EVC2: variants seen among roughly 807,000 people sequenced by gnomAD.
The protein encoded by EVC2 is EvC ciliary complex subunit 2, also known as limbin.
Under a neutral mutation model 149.3 loss-of-function variants are expected in EVC2, and 148 were observed. The ratio of observed to expected loss-of-function variants is 0.99; its 90% CI spans 0.87 to 1.14. EVC2 has a LOEUF of 1.14. Among genes scored for constraint, EVC2 ranks in the 50% most tolerant of loss-of-function variants. The probability of loss-of-function intolerance (pLI) is 0.00; values close to 1 mark genes in which losing one functional copy is unlikely to be tolerated. For synonymous variants in EVC2, 776 were observed against 649.9 expected (o/e 1.19, Z -2.95); for missense variants, 1,854 against 1,627.3 (o/e 1.14, Z -2.40).
intron 1 of EVC2, among the ~76,000 whole-genome samples, chr4:5,698,259 C>A (rs1721611418): frequency 6.6e-6 from 1 of 152,134 alleles, no homozygotes; most frequent in African/African-American, 2.4e-5. Context: ...GTTAGCCCTG[C>A]CCTCCATCAA....
In EVC2 at chr4:5,574,764, T is replaced by C; in HGVS notation, c.3281A>G (p.Glu1094Gly). 6.2e-7 allele frequency: 1 copy of C among 1,614,164 alleles called. No homozygotes were observed. Among genetic ancestry groups the C allele is most frequent in the Non-Finnish European group, 8.5e-7 (1 of 1,179,998 alleles). Residue 1094 changes from glutamate to glycine, a missense_variant, in exon 19 of 22, where the codon GAG (glutamate) becomes GGG (glycine). By Grantham distance (98) the Glu-to-Gly change is moderately conservative. Transcript: ENST00000344408. ...TAGCACGACACTGTTCTGTTGTTCC[T>C]CTCTCAAACTGGAGTGAAAATAAAA... ...LLEQHQQCLR[E>G]EQQNSVVLED...
chr4:5,645,322 T>C (rs1245302114), intron 9 of EVC2, among the ~76,000 whole-genome samples: 2 of 151,730 alleles, frequency 1.3e-5, no homozygotes, highest in African/African-American at 4.8e-5. Flanking sequence ...TAAACTTGTG[T>C]CATGGGGGTT....
chr4:5,573,862 G>A (rs965155442), intron 19 of EVC2, among the ~76,000 whole-genome samples: 1 of 152,186 alleles, frequency 6.6e-6, no homozygotes. Context: ...CAAGGCCCAC[G>A]GGTCAGCTCT....
At chr4:5,582,863 C>T (rs1272230853) in intron 17 of EVC2, among the ~76,000 whole-genome samples, 1 of 152,050 alleles carries the variant, frequency 6.6e-6, no homozygotes, top group Non-Finnish European at 1.5e-5. Flanking sequence ...TGTGTGGCAC[C>T]TCCCCCTACT....
In EVC2 at chr4:5,625,896, C is replaced by G. The variant is rs750061407; in HGVS notation, c.1899G>C (p.Leu633=). The G allele has an allele frequency of 5.6e-6, 9 of 1,613,874 alleles. No individual in the cohort carries two copies. Among genetic ancestry groups the G allele is most frequent in the Non-Finnish European group, 6.8e-6 (8 of 1,180,018 alleles). Residue 633 remains leucine, a synonymous_variant, in exon 13 of 22, where the codon CTG becomes CTC. Transcript: ENST00000344408. The surrounding 1 kb of genome is among the most constrained non-coding windows in gnomAD (Gnocchi z 4.0). ...ATAGCATTTCCATTTGGTCTTCATC[C>G]AGGTACCCTGCTCTAGATGGAAAGG... ...LIQKHERAGY[L]DEDQMEMLLE...
At chr4:5,661,483 C>G (rs1312956475) in intron 9 of EVC2, among the ~76,000 whole-genome samples, 2 of 152,140 alleles carry the variant, frequency 1.3e-5, no homozygotes, top group Non-Finnish European at 2.9e-5. Context: ...TGATCAAAAA[C>G]TGAGTGGTAC....
chr4:5,584,479 A>G lies in EVC2; in HGVS notation c.3057+144T>C. ...TTGAGAGAGTGCCAAGTACTCTCCA[A>G]TATGTCACTTCGTTTAATCCTCACC... On this transcript the variant is annotated intron_variant, in intron 17 of 21. Coordinates refer to ENST00000344408, the MANE Select transcript of EVC2 (RefSeq NM_147127.5). 9.7e-6 allele frequency: 8 copies of G among 824,976 alleles called. No homozygotes were observed. The South Asian group carries it at 1.2e-4, about 12-fold the overall frequency. The allele number at this position is 824,976 out of a possible 1,614,324, so 51.1% of individuals were successfully genotyped here. A position where few individuals can be genotyped will look rare whatever the true frequency, so the allele number is the denominator to read the frequency against.
chr4:5,649,471 TAA>T (rs575787574), intron 9 of EVC2, among the ~76,000 whole-genome samples: 1 of 152,146 alleles, frequency 6.6e-6, no homozygotes, highest in South Asian at 2.1e-4. Flanking sequence ...CTACTAATGA[TAA>T]AAAAAGAGAG....
chr4:5,668,734 C>G (rs1014609414), intron 7 of EVC2, among the ~76,000 whole-genome samples: 1 of 152,062 alleles, frequency 6.6e-6, no homozygotes, highest in Non-Finnish European at 1.5e-5. Context: ...TTTTCATCTT[C>G]GAGAAGAGGG....
At chr4:5,681,141 A>T in intron 7 of EVC2, 119 bp downstream of exon 7, 1 of 1,126,422 alleles carries the variant, frequency 8.9e-7, no homozygotes, top group Non-Finnish European at 1.4e-6. Context: ...TCCCAGTCTC[A>T]ACGCATAACT....
chr4:5,703,972 G>T (rs971770776), intron 1 of EVC2, among the ~76,000 whole-genome samples: 4 of 152,140 alleles, frequency 2.6e-5, no homozygotes, highest in African/African-American at 7.2e-5. Context: ...ACCCGTGCAA[G>T]GGCCCTGAGG....
Position 5,689,271 on chromosome 4 carries a change from C to G in EVC2, c.592G>C (p.Ala198Pro). 6.2e-7 allele frequency: 1 copy of G among 1,614,220 alleles called. No homozygotes were observed. The highest frequency in any genetic ancestry group is 8.5e-7 in the Non-Finnish European group (1 of 1,180,038). Reference protein sequence around the residue: ...LVNNTKTTSSANLSELLLLDS... With the variant: ...LVNNTKTTSSPNLSELLLLDS... The stretch of plus-strand genomic sequence containing the variant: ...AGCAAGAGCAGCTCCGAGAGGTTGG[C>G]TGACGAGGTTGTCTTGGTGTTGTTA... Residue 198 changes from alanine (A) to proline (P), a missense_variant, in exon 5 of 22, where the codon GCC becomes CCC. Ala to Pro is a conservative substitution (Grantham distance 27). Transcript: ENST00000344408.
At chr4:5,593,087 C>A (rs948583329) in intron 16 of EVC2, among the ~76,000 whole-genome samples, 1 of 152,086 alleles carries the variant, frequency 6.6e-6, no homozygotes, top group Admixed American at 6.5e-5. Flanking sequence ...GTTTGCTTCC[C>A]ACTTCTGCCA....
At chr4:5,685,217 C>T (rs1474233453) in intron 6 of EVC2, among the ~76,000 whole-genome samples, 153 bp downstream of exon 6, 2 of 152,256 alleles carry the variant, frequency 1.3e-5, no homozygotes, top group African/African-American at 2.4e-5. Flanking sequence ...CATGGCAAGG[C>T]GTGTGAGACT....
intron 1 of EVC2, among the ~76,000 whole-genome samples, chr4:5,698,041 G>A (rs996698078): frequency 2.6e-5 from 4 of 152,066 alleles, no homozygotes; most frequent in African/African-American, 7.2e-5. Flanking sequence ...GTGAGCCACC[G>A]CGTCCGGCCA....
intron 21 of EVC2, among the ~76,000 whole-genome samples, chr4:5,545,495 A>T (rs1260582469): frequency 6.6e-6 from 1 of 152,192 alleles, no homozygotes; most frequent in Non-Finnish European, 1.5e-5. Context: ...ATTATTCATT[A>T]CTCAAAACAC....
chr4:5,706,153 C>G (rs1185218355), intron 1 of EVC2, among the ~76,000 whole-genome samples: 1 of 151,848 alleles, frequency 6.6e-6, no homozygotes, highest in East Asian at 1.9e-4. Flanking sequence ...CTTGACTGAC[C>G]TTCCAGACTA....
chr4:5,621,496 C>T (rs544324524), intron 14 of EVC2, among the ~76,000 whole-genome samples: 3 of 152,314 alleles, frequency 2.0e-5, no homozygotes, highest in African/African-American at 7.2e-5. Context: ...TTGCCCATGT[C>T]TCATTCTACA....
chr4:5,562,583 G>T lies in EVC2; in HGVS notation c.*265C>A. ...GAGGATGGGGTGTGGATTGCAGGGT[G>T]GGGGTCTCCTCCAGGGCCCTGGGGA... On this transcript the variant is annotated 3_prime_UTR_variant, in exon 22 of 22. Transcript: ENST00000344408. The surrounding 1 kb of genome is among the most constrained non-coding windows in gnomAD (Gnocchi z 4.3). The T allele has an allele frequency of 7.4e-7, 1 of 1,359,280 alleles. No homozygotes were observed. Among genetic ancestry groups the T allele is most frequent in the Non-Finnish European group, 9.5e-7 (1 of 1,053,486 alleles). The allele number at this position is 1,359,280 out of a possible 1,614,324, so 84.2% of individuals were successfully genotyped here. A position where few individuals can be genotyped will look rare whatever the true frequency, so the allele number is the denominator to read the frequency against.
Sources: gnomAD v4.1 joint callset for allele counts (sites outside exome capture counted in the v4.1 genomes callset) on GRCh38, gnomAD v4.1.1 for gene constraint, Gnocchi (gnomAD v3.1) non-coding constraint, MANE v1.5 for transcripts, NCBI Gene and HGNC (gene_info 2026-07-23, HGNC 2026-07-21) for gene names.